KCNMA1: variants seen among roughly 807,000 people sequenced by gnomAD.
KCNMA1 encodes potassium calcium-activated channel subfamily M alpha 1, also known as Calcium-activated potassium channel subunit alpha-1.
Under a neutral mutation model 140.0 loss-of-function variants are expected in KCNMA1, and 29 were observed. The observed-to-expected ratio is 0.21, with a 90% CI of 0.15 to 0.28. KCNMA1 has a LOEUF of 0.28. Ranked by LOEUF, KCNMA1 falls within the 10% of genes least tolerant of loss-of-function variation. The pLI is 1.00. For synonymous variants in KCNMA1, 612 were observed against 611.9 expected (o/e 1.00, Z 0.00); for missense variants, 880 against 1,602.2 (o/e 0.55, Z 7.70).
intron 3 of KCNMA1, 25 bp from the exon 4 acceptor site, chr10:77,184,941 CA>C (rs2098836342): frequency 7.1e-7 from 1 of 1,415,232 alleles, no homozygotes; most frequent in Non-Finnish European, 1.0e-6. Flanking sequence ...GAAGAAAAAG[CA>C]AGAGGTAAAT....
intron 1 of KCNMA1, among the ~76,000 whole-genome samples, chr10:77,426,605 C>A (rs1463482490): frequency 6.6e-6 from 1 of 152,202 alleles, no homozygotes; most frequent in Non-Finnish European, 1.5e-5. Flanking sequence ...CTATTATAGT[C>A]TCTTGTCTTG....
intron 1 of KCNMA1, among the ~76,000 whole-genome samples, chr10:77,541,210 G>C (rs995375882): frequency 2.0e-5 from 3 of 151,944 alleles, no homozygotes; most frequent in Admixed American, 2.0e-4. Context: ...CGAATTAAAC[G>C]TACCTATTAA....
chr10:77,016,582 A>C (rs1437017639), intron 17 of KCNMA1, among the ~76,000 whole-genome samples: 1 of 152,206 alleles, frequency 6.6e-6, no homozygotes, highest in Non-Finnish European at 1.5e-5. Context: ...TCACCTTGGC[A>C]ACTCATTTGT....
chr10:76,956,667 T>C (rs1391939281), intron 20 of KCNMA1, among the ~76,000 whole-genome samples: 1 of 152,046 alleles, frequency 6.6e-6, no homozygotes, highest in Non-Finnish European at 1.5e-5. Flanking sequence ...CAAAGAGAGG[T>C]CCACAAGATA....
chr10:77,479,207 G>A (rs2098336815), intron 1 of KCNMA1, among the ~76,000 whole-genome samples: 1 of 152,180 alleles, frequency 6.6e-6, no homozygotes, highest in Non-Finnish European at 1.5e-5. Context: ...AGCCTTGCTG[G>A]GATTTGGAAA....
chr10:77,455,514 C>T (rs1397335055), intron 1 of KCNMA1, among the ~76,000 whole-genome samples: 8 of 152,196 alleles, frequency 5.3e-5, no homozygotes, highest in Admixed American at 5.2e-4. Context: ...AGTCCACTCA[C>T]ATTTGATAGG....
chr10:77,637,723 C>T lies in KCNMA1; in HGVS notation c.-81G>A. 7.4e-7 allele frequency: 1 copy of T among 1,343,572 alleles called. No homozygotes were observed. The highest frequency in any genetic ancestry group is 3.1e-5 in the East Asian group (1 of 31,932). 83.2% of individuals were successfully genotyped at this position (1,343,572 alleles called of 1,614,324 possible). A position where few individuals can be genotyped will look rare whatever the true frequency, so the allele number is the denominator to read the frequency against. Reference sequence around the variant, plus strand: ...GCCACCCCAAACACCCATCAACAGCCATATTGCTGCTACTGCTGCCGCCGC... The same window carrying T: ...GCCACCCCAAACACCCATCAACAGCTATATTGCTGCTACTGCTGCCGCCGC... On this transcript the variant is annotated 5_prime_UTR_variant, in exon 1 of 28. The change abolishes an upstream ATG in the 5' untranslated region. Transcript: ENST00000286628.
At chr10:76,883,796 T>G (rs2035665643), downstream of KCNMA1, among the ~76,000 whole-genome samples, 2 of 150,742 alleles carry the variant, frequency 1.3e-5, no homozygotes, top group African/African-American at 4.9e-5. Context: ...TATGCCTACT[T>G]CCTAAGTAAG....
intron 1 of KCNMA1, among the ~76,000 whole-genome samples, chr10:77,538,220 A>C (rs56816832): frequency 6.6e-6 from 1 of 151,704 alleles, no homozygotes; most frequent in Non-Finnish European, 1.5e-5. Flanking sequence ...TCATATTCAC[A>C]TACTCTACAC....
At chr10:76,918,708 C>T (rs1215603863) in intron 23 of KCNMA1, among the ~76,000 whole-genome samples, 1 of 152,094 alleles carries the variant, frequency 6.6e-6, no homozygotes, top group East Asian at 1.9e-4. Flanking sequence ...AAAAGTAGAT[C>T]TACCATTTTA....
chr10:77,316,645 T>TG (rs2080968819), intron 2 of KCNMA1, among the ~76,000 whole-genome samples: 2 of 152,166 alleles, frequency 1.3e-5, no homozygotes, highest in African/African-American at 4.8e-5. Flanking sequence ...GCTCTAGAGC[T>TG]GGCTATCTAT....
intron 3 of KCNMA1, among the ~76,000 whole-genome samples, chr10:77,237,560 C>A (rs11592698): frequency 2.7e-4 from 41 of 152,140 alleles, no homozygotes; most frequent in African/African-American, 8.4e-4. Context: ...TGTGCTGAAG[C>A]CATGCTCCCA....
At chr10:77,209,045 G>A (rs896855609) in intron 3 of KCNMA1, among the ~76,000 whole-genome samples, 3 of 152,114 alleles carry the variant, frequency 2.0e-5, no homozygotes, top group Non-Finnish European at 4.4e-5. Flanking sequence ...TGCAAGTGTA[G>A]CATGCCCACT....
intron 18 of KCNMA1, among the ~76,000 whole-genome samples, chr10:77,007,846 T>C (rs2089542735): frequency 1.3e-5 from 2 of 151,780 alleles, no homozygotes; most frequent in African/African-American, 4.8e-5. Flanking sequence ...CTAATCAGTG[T>C]CCCTTAAAAG....
intron 1 of KCNMA1, among the ~76,000 whole-genome samples, chr10:77,473,989 G>T (rs2098223807): frequency 6.6e-6 from 1 of 152,142 alleles, no homozygotes; most frequent in Non-Finnish European, 1.5e-5. Context: ...CTCACCCAGG[G>T]CCGGTCCTTA....
At chr10:76,953,066 A>T (rs2066886876) in intron 21 of KCNMA1, among the ~76,000 whole-genome samples, 1 of 152,216 alleles carries the variant, frequency 6.6e-6, no homozygotes, top group Non-Finnish European at 1.5e-5. Context: ...CATTCCTGGG[A>T]GAGACTGGGT....
At chr10:77,288,874 T>C (rs567985023) in intron 2 of KCNMA1, among the ~76,000 whole-genome samples, 2 of 152,060 alleles carry the variant, frequency 1.3e-5, no homozygotes, top group African/African-American at 4.8e-5. Context: ...TAACCTGGAG[T>C]TTGCATCTCA....
At chr10:77,474,617 C>A (rs2098238496) in intron 1 of KCNMA1, among the ~76,000 whole-genome samples, 1 of 152,104 alleles carries the variant, frequency 6.6e-6, no homozygotes, top group Admixed American at 6.6e-5. Context: ...GTAGGGTGTG[C>A]CCTGTCTGGA....
At chr10:77,260,658 G>A (rs11002099) in intron 2 of KCNMA1, among the ~76,000 whole-genome samples, 8,720 of 152,182 alleles carry the variant, frequency 0.057, 566 homozygotes, top group East Asian at 0.37. Flanking sequence ...GCAGTGAGCT[G>A]AGATCATACC....
Sources: allele counts gnomAD v4.1 joint callset (sites outside exome capture counted in the v4.1 genomes callset), GRCh38; gene constraint gnomAD v4.1.1; transcripts MANE v1.5; gene names NCBI Gene and HGNC (gene_info 2026-07-23, HGNC 2026-07-21).